Variants in PDE11A observed in about 807,000 individuals in gnomAD.
The protein encoded by PDE11A is dual 3',5'-cyclic-AMP and -GMP phosphodiesterase 11A.
Under a neutral mutation model 100.5 loss-of-function variants are expected in PDE11A, and 100 were observed. That is an observed-to-expected ratio of 1.00 (90% CI 0.85 to 1.18). The LOEUF (loss-of-function observed/expected upper bound fraction) is 1.18. Ranked by LOEUF, PDE11A falls within the 50% of genes most tolerant of loss-of-function variation. The probability of loss-of-function intolerance (pLI) is 0.00; values close to 1 mark genes in which losing one functional copy is unlikely to be tolerated. For missense variants in PDE11A, 1,141 were observed against 1,152.6 expected (o/e 0.99, Z 0.15); for synonymous variants, 381 against 420.8 (o/e 0.91, Z 1.16).
At chr2:177,685,458 G>A (rs1196403970) in intron 15 of PDE11A, among the ~76,000 whole-genome samples, 2 of 152,180 alleles carry the variant, frequency 1.3e-5, no homozygotes, top group African/African-American at 2.4e-5. Context: ...CCCATAGTAT[G>A]TTCACTATAG....
chr2:177,878,325 C>T (rs535014753), intron 4 of PDE11A, among the ~76,000 whole-genome samples: 5 of 152,182 alleles, frequency 3.3e-5, no homozygotes, highest in Non-Finnish European at 5.9e-5. Flanking sequence ...GTAGGATCTA[C>T]GTCCTCTCTC....
chr2:177,946,746 GC>G, intron 2 of PDE11A, among the ~76,000 whole-genome samples: 1 of 65,170 alleles, frequency 1.5e-5, no homozygotes, highest in Non-Finnish European at 3.1e-5. Flanking sequence ...GGGGGGGTCA[GC>G]CCCCCGCCCG....
intron 12 of PDE11A, among the ~76,000 whole-genome samples, chr2:177,717,395 A>C (rs558609064): frequency 1.3e-5 from 2 of 152,220 alleles, no homozygotes; most frequent in East Asian, 3.9e-4. Flanking sequence ...GCTGAAGACA[A>C]TATACTTTCA....
chr2:177,794,427 C>A (rs1221114418), intron 9 of PDE11A, among the ~76,000 whole-genome samples: 2 of 152,170 alleles, frequency 1.3e-5, no homozygotes, highest in African/African-American at 2.4e-5. Flanking sequence ...GTTTTGGAAA[C>A]CATCGTAACT....
intron 7 of PDE11A, among the ~76,000 whole-genome samples, chr2:177,818,228 C>T (rs558623024): frequency 1.1e-4 from 16 of 150,952 alleles, no homozygotes; most frequent in Non-Finnish European, 2.1e-4. Flanking sequence ...ATATATACAA[C>T]TGAGTATATA....
chr2:177,765,884 T>C (rs2082231840), intron 10 of PDE11A, among the ~76,000 whole-genome samples: 2 of 152,234 alleles, frequency 1.3e-5, no homozygotes, highest in Non-Finnish European at 2.9e-5. Flanking sequence ...CCCAGACATT[T>C]CTGCATCCCA....
intron 10 of PDE11A, among the ~76,000 whole-genome samples, chr2:177,734,184 A>G (rs1239296077): frequency 1.3e-5 from 2 of 152,060 alleles, no homozygotes; most frequent in Admixed American, 6.5e-5. Context: ...GTCTTTACCT[A>G]TATAAAACTC....
intron 1 of PDE11A, among the ~76,000 whole-genome samples, chr2:178,051,343 G>A (rs1457315238): frequency 6.6e-6 from 1 of 152,146 alleles, no homozygotes; most frequent in Non-Finnish European, 1.5e-5. Flanking sequence ...CCTTACAAGA[G>A]CTCCTGAAGG....
rs79291115 is a variant in PDE11A at position 177,752,061 on chromosome 2, G to A, written c.1788+17262C>T. 1.2e-3 allele frequency among the ~76,000 whole-genome samples: 190 copies of A among 152,168 alleles called. 1 individual carries two copies. The highest frequency in any genetic ancestry group is 2.3e-3 in the Non-Finnish European group (157 of 68,004). The stretch of plus-strand genomic sequence containing the variant: ...TGAGCCAGTTCCCCACCTCTGCAGC[G>A]CTCACCACGAGAAAAAGAATGTGAA... On this transcript the variant is annotated intron_variant, in intron 10 of 19. Coordinates refer to ENST00000286063, the MANE Select transcript of PDE11A (RefSeq NM_016953.4).
At chr2:178,081,757 T>A (rs542431391) in intron 2 of PDE11A, among the ~76,000 whole-genome samples, 1 of 152,360 alleles carries the variant, frequency 6.6e-6, no homozygotes, top group South Asian at 2.1e-4. Flanking sequence ...TTGCAAACAA[T>A]TCTGGTGATT....
intron 10 of PDE11A, among the ~76,000 whole-genome samples, chr2:177,753,005 C>T (rs574700193): frequency 6.6e-6 from 1 of 152,334 alleles, no homozygotes; most frequent in South Asian, 2.1e-4. Context: ...TTTTGCTGCT[C>T]TGAACTGGGA....
chr2:177,917,184 C>A (rs183600390), intron 2 of PDE11A, among the ~76,000 whole-genome samples: 64 of 150,970 alleles, frequency 4.2e-4, no homozygotes, highest in Non-Finnish European at 8.3e-4. Context: ...CCAAAACCAC[C>A]CTATATGTGC....
intron 2 of PDE11A, among the ~76,000 whole-genome samples, chr2:178,014,041 AC>A (rs1270303240): frequency 6.6e-6 from 1 of 152,192 alleles, no homozygotes; most frequent in Non-Finnish European, 1.5e-5. Context: ...GAAGACAAAG[AC>A]CAGGGAACAA....
chr2:178,065,545 C>A (rs2087031981), intron 1 of PDE11A, among the ~76,000 whole-genome samples: 1 of 152,200 alleles, frequency 6.6e-6, no homozygotes. Context: ...TTATCACGAT[C>A]ATGTGTCTGT....
chr2:177,892,799 G>T (rs1332595664), intron 4 of PDE11A, among the ~76,000 whole-genome samples: 4 of 152,196 alleles, frequency 2.6e-5, no homozygotes, highest in Non-Finnish European at 5.9e-5. Context: ...TCCAGGACTA[G>T]GTCACAACCC....
intron 19 of PDE11A, among the ~76,000 whole-genome samples, chr2:177,661,303 C>A (rs1020765958): frequency 6.6e-6 from 1 of 152,206 alleles, no homozygotes; most frequent in Non-Finnish European, 1.5e-5. Flanking sequence ...TGCCTTCGAT[C>A]CTCTCAGACT....
At chr2:177,807,487 TC>T (rs2082889765) in intron 9 of PDE11A, among the ~76,000 whole-genome samples, 1 of 152,164 alleles carries the variant, frequency 6.6e-6, no homozygotes, top group African/African-American at 2.4e-5. Context: ...AGTGGCATGA[TC>T]CAGCTCACTG....
At chr2:178,061,343 T>A (rs2086967050) in intron 1 of PDE11A, among the ~76,000 whole-genome samples, 1 of 152,092 alleles carries the variant, frequency 6.6e-6, no homozygotes, top group South Asian at 2.1e-4. Flanking sequence ...CAAGGGATGC[T>A]ACTAAACAAC....
chr2:177,968,162 G>C (rs960683310), intron 2 of PDE11A, among the ~76,000 whole-genome samples: 1 of 152,016 alleles, frequency 6.6e-6, no homozygotes, highest in African/African-American at 2.4e-5. Context: ...AGGTAACAAA[G>C]ACAAACAAAC....
Sources: allele counts gnomAD v4.1 joint callset (sites outside exome capture counted in the v4.1 genomes callset), GRCh38; gene constraint gnomAD v4.1.1; transcripts MANE v1.5; gene names NCBI Gene and HGNC (gene_info 2026-07-23, HGNC 2026-07-21).